The following ERCC6 variants were observed in gnomAD, a reference collection of about 807,000 sequenced individuals.
The protein encoded by ERCC6 is DNA excision repair protein ERCC-6.
In ERCC6, 116 loss-of-function variants were observed where a neutral mutation model predicts 158.7. The ratio of observed to expected loss-of-function variants is 0.73; its 90% CI spans 0.63 to 0.85. The LOEUF (loss-of-function observed/expected upper bound fraction) is 0.85, where lower values mean the gene tolerates loss of function less well. ERCC6 is among the 40% of genes least tolerant of loss of function. The probability of loss-of-function intolerance (pLI) is 0.00; values close to 1 mark genes in which losing one functional copy is unlikely to be tolerated. For synonymous variants in ERCC6, 678 were observed against 659.3 expected (o/e 1.03, Z -0.43); for missense variants, 1,698 against 1,799.4 (o/e 0.94, Z 1.02).
chr10:49,537,500 T>TACACACAC (rs1234237442), intron 1 of ERCC6, among the ~76,000 whole-genome samples: 15 of 133,000 alleles, frequency 1.1e-4, no homozygotes, highest in African/African-American at 4.0e-4. Context: ...TATATATATA[T>TACACACAC]ATACACATAC....
At chr10:49,468,115 T>C (rs114143901) in intron 18 of ERCC6, among the ~76,000 whole-genome samples, 221 of 152,296 alleles carry the variant, frequency 1.5e-3, no homozygotes, top group African/African-American at 4.6e-3. Flanking sequence ...ATGTTTCCTC[T>C]AATTCGAAAA....
At chr10:49,501,126 C>T in intron 6 of ERCC6, 1 of 230,360 alleles carries the variant, frequency 4.3e-6, no homozygotes, top group Non-Finnish European at 8.6e-6. Flanking sequence ...TGAATAGCAT[C>T]AAAAAAGCAG....
chr10:49,497,287 G>C (rs1590432404), intron 7 of ERCC6, among the ~76,000 whole-genome samples: 1 of 152,206 alleles, frequency 6.6e-6, no homozygotes, highest in Non-Finnish European at 1.5e-5. Flanking sequence ...GGGAATAAAA[G>C]AGTTATCATC....
intron 18 of ERCC6, among the ~76,000 whole-genome samples, chr10:49,467,141 AC>A (rs1460661381): frequency 6.6e-6 from 1 of 152,206 alleles, no homozygotes; most frequent in East Asian, 1.9e-4. Flanking sequence ...TTGTTGGTAG[AC>A]ATTTGATTTC....
intron 18 of ERCC6, among the ~76,000 whole-genome samples, chr10:49,469,354 C>A (rs2132535787): frequency 6.6e-6 from 1 of 152,192 alleles, no homozygotes; most frequent in Admixed American, 6.5e-5. Flanking sequence ...GATACGGTAT[C>A]ACCTCTGTGG....
chr10:49,525,885 A>G (rs1445411917), intron 4 of ERCC6, among the ~76,000 whole-genome samples: 2 of 151,500 alleles, frequency 1.3e-5, no homozygotes, highest in East Asian at 3.9e-4. Flanking sequence ...CTGTCTCTGA[A>G]CGCTACGTAA....
chr10:49,458,915 G>A lies in ERCC6; in HGVS notation c.4382C>T (p.Ser1461Leu). Residue 1461 changes from serine to leucine, a missense_variant, in exon 21 of 21, where the codon TCA (serine) becomes TTA (leucine). By Grantham distance (145) the Ser-to-Leu change is moderately radical. Transcript: ENST00000355832. Reference sequence around the variant, plus strand: ...TAGTTCTCGGAAGACACAAGACTGTGATGCAGATAACTTGGATTCAAACTC... The same window carrying A: ...TAGTTCTCGGAAGACACAAGACTGTAATGCAGATAACTTGGATTCAAACTC... ...LQEFESKLSA[S>L]QSCVFRELLR... The A allele has an allele frequency of 6.2e-7, 1 of 1,614,212 alleles. No individual in the cohort carries two copies. The highest frequency in any genetic ancestry group is 8.5e-7 in the Non-Finnish European group (1 of 1,180,032).
At chr10:49,463,805 G>T in intron 18 of ERCC6, among the ~76,000 whole-genome samples, 1 of 152,212 alleles carries the variant, frequency 6.6e-6, no homozygotes, top group East Asian at 1.9e-4. Context: ...TGCCGTCCAT[G>T]TAAGATGTGA....
intron 7 of ERCC6, among the ~76,000 whole-genome samples, chr10:49,497,797 C>T (rs560813166): frequency 1.4e-4 from 22 of 152,240 alleles, no homozygotes; most frequent in Non-Finnish European, 2.8e-4. Context: ...CCATTGATTA[C>T]CTAATAAATT....
intron 5 of ERCC6, chr10:49,516,898 A>G: frequency 6.2e-7 from 1 of 1,614,118 alleles, no homozygotes; most frequent in Non-Finnish European, 8.5e-7. Flanking sequence ...TCTGAGTCAG[A>G]CTCAGCATCA....
intron 18 of ERCC6, among the ~76,000 whole-genome samples, chr10:49,466,942 T>C (rs1417907184): frequency 6.6e-6 from 1 of 152,060 alleles, no homozygotes; most frequent in African/African-American, 2.4e-5. Context: ...CCCACCATCA[T>C]GCCTAATTTT....
intron 12 of ERCC6, among the ~76,000 whole-genome samples, chr10:49,475,159 T>C (rs1023430913): frequency 1.3e-5 from 2 of 152,216 alleles, no homozygotes; most frequent in African/African-American, 2.4e-5. Flanking sequence ...GCACATGAAG[T>C]GTGGCTAGTC....
intron 5 of ERCC6, chr10:49,516,636 T>C (rs747526005): frequency 6.2e-7 from 1 of 1,614,080 alleles, no homozygotes; most frequent in African/African-American, 1.3e-5. Flanking sequence ...GTTGGAGTAC[T>C]TGACAATGAG....
In ERCC6 at chr10:49,513,770, C is replaced by G. The variant is rs754766751; in HGVS notation, c.1398-7758G>C. 9.2e-5 allele frequency among the ~76,000 whole-genome samples: 14 copies of G among 152,234 alleles called. No individual in the cohort carries two copies. In the Middle Eastern group the frequency reaches 0.01, roughly 111 times the overall value. On this transcript the variant is annotated intron_variant, in intron 5 of 20. Transcript: ENST00000355832. ...ACTTCCCATCAGGTTCCTCCCTTGA[C>G]ATATGGGGACTACAATTCAAGATGA...
intron 14 of ERCC6, 131 bp downstream of exon 14, chr10:49,473,346 G>C (rs927913541): frequency 2.9e-5 from 23 of 785,496 alleles, no homozygotes; most frequent in African/African-American, 2.0e-4. Context: ...AAAACAACAA[G>C]TCTCCCCTTA....
chr10:49,515,587 C>T lies in ERCC6; in HGVS notation c.1397+8446G>A, dbSNP rs1351927715. 1.7e-5 allele frequency: 27 copies of T among 1,614,160 alleles called. No individual in the cohort carries two copies. Among genetic ancestry groups the T allele is most frequent in the Non-Finnish European group, 2.2e-5 (26 of 1,180,022 alleles). On this transcript the variant is annotated intron_variant, in intron 5 of 20. Transcript: ENST00000355832. ...CGTCGACGAAACTCCAGAAAATCCACTGGTTTCTCATCATATGTTTTATGC... is the reference window on the plus strand; with the variant it reads ...CGTCGACGAAACTCCAGAAAATCCATTGGTTTCTCATCATATGTTTTATGC...
chr10:49,517,245 T>C, intron 5 of ERCC6: 5 of 1,352,584 alleles, frequency 3.7e-6, no homozygotes, highest in Non-Finnish European at 4.9e-6. Flanking sequence ...GTATTTTCTT[T>C]TTACCGCACA....
At chr10:49,460,129 A>T (rs1335015067) in intron 20 of ERCC6, 1 of 567,254 alleles carries the variant, frequency 1.8e-6, no homozygotes, top group East Asian at 3.1e-5. Context: ...CCCTGTGTCA[A>T]CCTTCTAATG....
the ERCC6 span, among the ~76,000 whole-genome samples, chr10:49,440,488 C>T: frequency 3.2e-3 from 488 of 152,232 alleles, no homozygotes; most frequent in African/African-American, 0.011. Flanking sequence ...GGGGCACAGC[C>T]ACACCACATC....
Sources: allele counts gnomAD v4.1 joint callset (sites outside exome capture counted in the v4.1 genomes callset), GRCh38; gene constraint gnomAD v4.1.1; transcripts MANE v1.5; gene names NCBI Gene and HGNC (gene_info 2026-07-23, HGNC 2026-07-21).